Variants in MMRN1 observed in about 807,000 individuals in gnomAD.
The protein encoded by MMRN1 is multimerin-1.
A neutral mutation model predicts 100.7 loss-of-function variants in MMRN1; 94 were observed. The ratio of observed to expected loss-of-function variants is 0.93; its 90% CI spans 0.79 to 1.11. The LOEUF (loss-of-function observed/expected upper bound fraction) is 1.11, where lower values mean the gene tolerates loss of function less well. Among genes scored for constraint, MMRN1 ranks in the 50% least tolerant of loss-of-function variants. MMRN1 has a pLI of 0.00. For synonymous variants in MMRN1, 575 were observed against 505.0 expected (o/e 1.14, Z -1.86); for missense variants, 1,606 against 1,439.1 (o/e 1.12, Z -1.88).
Position 89,895,082 on chromosome 4 carries a change from G to A in MMRN1, c.111G>A (p.Lys37=), listed in dbSNP as rs1215289798. The stretch of plus-strand genomic sequence containing the variant: ...TACCTGAGGATGGGAACTCTCAGAA[G>A]ACTATGCCTTCTGCTTCAGTTCCTC... ...WTIPEDGNSQ[K]TMPSASVPPN... is the part of the protein sequence containing the mutation. Residue 37 remains lysine (K), a synonymous_variant, in exon 1 of 8, where the codon AAG becomes AAA. Transcript: ENST00000264790. 1 of 1,613,780 alleles carries A rather than the reference G, an allele frequency of 6.2e-7. No homozygotes were observed. Among genetic ancestry groups the A allele is most frequent in the Non-Finnish European group, 8.5e-7 (1 of 1,179,904 alleles).
At chr4:89,881,085 G>A (rs909749935) in intron 1 of MMRN1, among the ~76,000 whole-genome samples, 13 of 152,052 alleles carry the variant, frequency 8.5e-5, no homozygotes, top group African/African-American at 2.9e-4. Flanking sequence ...CTGCAGAATT[G>A]CTTTGCCTGT....
chr4:89,953,380 G>A lies in MMRN1; in HGVS notation c.3649G>A (p.Val1217Ile), dbSNP rs747053441. 2.5e-6 allele frequency: 4 copies of A among 1,611,846 alleles called. No individual in the cohort carries two copies. Among genetic ancestry groups the A allele is most frequent in the South Asian group, 2.2e-5 (2 of 90,678 alleles). Reference sequence around the variant, plus strand: ...AACAATTCCAGCCAAGTTTCCCCCTGTTACTACATTTAGTGGCTATTTATT... The same window carrying A: ...AACAATTCCAGCCAAGTTTCCCCCTATTACTACATTTAGTGGCTATTTATT... ...KGTIPAKFPP[V>I]TTFSGYLLYR... The change falls in exon 8 of 8, where the codon GTT (valine) becomes ATT (isoleucine). Residue 1217 changes from valine (V) to isoleucine (I), a missense_variant. Physicochemically the swap from Val to Ile is conservative, Grantham distance 29. Coordinates refer to ENST00000264790, the MANE Select transcript of MMRN1 (RefSeq NM_007351.3).
At chr4:89,924,779 G>T (rs937286010) in intron 4 of MMRN1, among the ~76,000 whole-genome samples, 1 of 152,108 alleles carries the variant, frequency 6.6e-6, no homozygotes, top group Non-Finnish European at 1.5e-5. Context: ...GGGAGGCAGA[G>T]GTTGCAGTGA....
intron 5 of MMRN1, among the ~76,000 whole-genome samples, chr4:89,929,902 T>C (rs1722383887): frequency 6.6e-6 from 1 of 152,136 alleles, no homozygotes. Flanking sequence ...ACAGTAGCCA[T>C]AGAAACTGTT....
At chr4:89,884,273 T>C (rs1338225018) in intron 1 of MMRN1, among the ~76,000 whole-genome samples, 1 of 152,166 alleles carries the variant, frequency 6.6e-6, no homozygotes, top group Non-Finnish European at 1.5e-5. Flanking sequence ...GTATTGAAGG[T>C]ATAAGTAAAC....
At chr4:89,942,777 G>T (rs1722874129) in intron 6 of MMRN1, among the ~76,000 whole-genome samples, 1 of 151,904 alleles carries the variant, frequency 6.6e-6, no homozygotes, top group Non-Finnish European at 1.5e-5. Context: ...AGTGTTTGGA[G>T]AAATAAAGCA....
intron 1 of MMRN1, among the ~76,000 whole-genome samples, chr4:89,896,138 A>G (rs1264523089): frequency 3.3e-5 from 5 of 152,128 alleles, no homozygotes; most frequent in Admixed American, 2.0e-4. Context: ...GTTTCTTCAT[A>G]TGGAAACTAC....
At chr4:89,908,152 G>A (rs1721629829) in intron 1 of MMRN1, among the ~76,000 whole-genome samples, 1 of 151,110 alleles carries the variant, frequency 6.6e-6, no homozygotes, top group Admixed American at 6.6e-5. Flanking sequence ...ATCCTTCTGT[G>A]ATGCAGTTTG....
chr4:89,948,491 G>A (rs557100422), intron 6 of MMRN1, among the ~76,000 whole-genome samples: 3 of 152,210 alleles, frequency 2.0e-5, no homozygotes, highest in Middle Eastern at 3.4e-3. Context: ...ATAGACATGA[G>A]ATTTTAGAAA....
At chr4:89,913,295 A>G (rs186417305) in intron 3 of MMRN1, among the ~76,000 whole-genome samples, 115 of 151,428 alleles carry the variant, frequency 7.6e-4, no homozygotes, top group African/African-American at 2.6e-3. Context: ...TATTAATTCC[A>G]TCATTATTTC....
At chr4:89,898,853 A>G (rs1721294644) in intron 1 of MMRN1, among the ~76,000 whole-genome samples, 1 of 152,062 alleles carries the variant, frequency 6.6e-6, no homozygotes, top group Admixed American at 6.6e-5. Context: ...CACTGCACTT[A>G]CGACACTACA....
chr4:89,922,110 G>A (rs1464610942), intron 3 of MMRN1, among the ~76,000 whole-genome samples: 2 of 151,940 alleles, frequency 1.3e-5, no homozygotes, highest in Non-Finnish European at 2.9e-5. Context: ...TTGATTGATT[G>A]ATTGATTGAT....
At position 89,953,855 on chromosome 4, in the gene MMRN1, A is replaced by T. The variant is rs1183374947; in HGVS notation, c.*437A>T. On this transcript the variant is annotated 3_prime_UTR_variant, in exon 8 of 8. Coordinates refer to ENST00000264790, the MANE Select transcript of MMRN1 (RefSeq NM_007351.3). Reference sequence around the variant, plus strand: ...ACAAATTTAAATAAATTACTCAAAAAATGAAAATTGATTTTGTAAACTTTT... The same window carrying T: ...ACAAATTTAAATAAATTACTCAAAATATGAAAATTGATTTTGTAAACTTTT... 2.6e-5 allele frequency: 4 copies of T among 152,578 alleles called. No homozygotes were observed. Among genetic ancestry groups the T allele is most frequent in the Admixed American group, 6.5e-5 (1 of 15,270 alleles). 9.5% of individuals were successfully genotyped at this position (152,578 alleles called of 1,614,324 possible).
At chr4:89,906,404 T>G (rs1721566377) in intron 1 of MMRN1, among the ~76,000 whole-genome samples, 1 of 151,532 alleles carries the variant, frequency 6.6e-6, no homozygotes, top group African/African-American at 2.4e-5. Flanking sequence ...TACAAGCTTT[T>G]TTTCAGTACA....
intron 4 of MMRN1, among the ~76,000 whole-genome samples, chr4:89,926,650 C>A (rs1466462524): frequency 2.0e-5 from 3 of 151,954 alleles, no homozygotes; most frequent in Non-Finnish European, 4.4e-5. Flanking sequence ...CCCATCTGTC[C>A]ATTTTTGCTT....
intron 7 of MMRN1, among the ~76,000 whole-genome samples, chr4:89,952,287 G>A (rs943872640): frequency 3.3e-5 from 5 of 152,120 alleles, no homozygotes; most frequent in African/African-American, 4.8e-5. Context: ...AAATTCATAA[G>A]TATTGGTGCT....
intron 7 of MMRN1, among the ~76,000 whole-genome samples, chr4:89,951,971 A>G (rs972233056): frequency 1.3e-5 from 2 of 152,166 alleles, no homozygotes; most frequent in African/African-American, 4.8e-5. Context: ...TGAAATTTTC[A>G]ATATTGCTAT....
chr4:89,946,640 C>T (rs536362081), intron 6 of MMRN1, among the ~76,000 whole-genome samples: 1 of 152,094 alleles, frequency 6.6e-6, no homozygotes, highest in South Asian at 2.1e-4. Flanking sequence ...GAAGTTCATA[C>T]ATTAATCGAG....
chr4:89,954,581 T>A lies in MMRN1; in HGVS notation c.*1163T>A, dbSNP rs1231904679. On this transcript the variant is annotated 3_prime_UTR_variant, in exon 8 of 8. Transcript: ENST00000264790. The stretch of plus-strand genomic sequence containing the variant: ...GACAACGTGTTTCTGAAAAACAGAT[T>A]TTCATAAGTAATAATAAAAATAATA... The A allele has an allele frequency of 6.6e-6, 1 of 152,128 alleles. No homozygotes were observed. The highest frequency in any genetic ancestry group is 2.4e-5 in the African/African-American group (1 of 41,430). The allele number at this position is 152,128 out of a possible 1,614,324, so 9.4% of individuals were successfully genotyped here. A position where few individuals can be genotyped will look rare whatever the true frequency, so the allele number is the denominator to read the frequency against.
Sources: gnomAD v4.1 joint callset for allele counts (sites outside exome capture counted in the v4.1 genomes callset) on GRCh38, gnomAD v4.1.1 for gene constraint, MANE v1.5 for transcripts, NCBI Gene and HGNC (gene_info 2026-07-23, HGNC 2026-07-21) for gene names.